The following STOX1 variants were observed in gnomAD, a reference collection of about 807,000 sequenced individuals.
The protein encoded by STOX1 is storkhead box 1, also known as storkhead-box protein 1.
STOX1 carries 57 observed loss-of-function variants against 74.8 expected under a neutral mutation model. The observed-to-expected ratio is 0.76, with a 90% CI of 0.62 to 0.95. STOX1 has a LOEUF of 0.95. Ranked by LOEUF, STOX1 falls within the 40% of genes least tolerant of loss-of-function variation. The pLI, the probability that STOX1 is intolerant of heterozygous loss-of-function variation, is 0.00. For synonymous variants in STOX1, 375 were observed against 401.3 expected (o/e 0.93, Z 0.78); for missense variants, 1,010 against 1,117.0 (o/e 0.90, Z 1.37).
At position 68,892,991 on chromosome 10, in the gene STOX1, G is replaced by T; in HGVS notation, c.*255G>T. On this transcript the variant is annotated 3_prime_UTR_variant, in exon 4 of 4. Coordinates refer to ENST00000298596, the MANE Select transcript of STOX1 (RefSeq NM_152709.5). ...TTTCGATTAAAAAGTGGAATTATTG[G>T]TCCCCTTCCAATTGTAATTATCTTG... 2 of 360,632 alleles carry T rather than the reference G, an allele frequency of 5.5e-6. No homozygotes were observed. The highest frequency in any genetic ancestry group is 5.4e-5 in the East Asian group (1 of 18,682). 22.3% of individuals were successfully genotyped at this position (360,632 alleles called of 1,614,324 possible). A position where few individuals can be genotyped will look rare whatever the true frequency, so the allele number is the denominator to read the frequency against.
intron 1 of STOX1, among the ~76,000 whole-genome samples, chr10:68,876,188 A>T (rs991618998): frequency 1.4e-5 from 2 of 146,898 alleles, no homozygotes; most frequent in South Asian, 4.3e-4. Context: ...ATAGAGTTTT[A>T]CTCTTGTTGC....
chr10:68,872,337 CTTTTCTTTTTTT>C (rs1353317309), intron 1 of STOX1, among the ~76,000 whole-genome samples: 4 of 124,630 alleles, frequency 3.2e-5, no homozygotes, highest in East Asian at 2.5e-4. Flanking sequence ...TTTTCTTTTT[CTTTTCTTTTTTT>C]TTTTTTTTTT....
chr10:68,892,536 G>C, intron 3 of STOX1, 53 bp from the exon 4 acceptor site: 2 of 1,557,234 alleles, frequency 1.3e-6, no homozygotes, highest in Admixed American at 3.3e-5. Context: ...GCCTTGGTTA[G>C]AAATTCAAGT....
rs138485131 is a variant in STOX1, at chr10:68,834,691, G to A, written c.310+6758G>A. On this transcript the variant is annotated intron_variant, in intron 1 of 3. Transcript: ENST00000298596. ...GTCCTTTCCCAGTCAGCTCTGCCTCGATTCTCAGAGATAACCACTATTTGG... is the reference window on the plus strand; with the variant it reads ...GTCCTTTCCCAGTCAGCTCTGCCTCAATTCTCAGAGATAACCACTATTTGG... Among the ~76,000 whole-genome samples the A allele has an allele frequency of 2.4e-3, 364 of 152,240 alleles. 1 individual carries two copies. The highest frequency in any genetic ancestry group is 3.9e-3 in the Non-Finnish European group (264 of 68,022).
intron 1 of STOX1, among the ~76,000 whole-genome samples, chr10:68,833,054 G>A (rs1397557755): frequency 6.7e-6 from 1 of 149,496 alleles, no homozygotes; most frequent in Non-Finnish European, 1.5e-5. Context: ...ACAGGCATGA[G>A]CCACCTTGCC....
chr10:68,830,046 G>A (rs184414719), intron 1 of STOX1, among the ~76,000 whole-genome samples: 1 of 152,172 alleles, frequency 6.6e-6, no homozygotes, highest in Non-Finnish European at 1.5e-5. Flanking sequence ...GGCGAAATAA[G>A]AGAGGGCTTG....
At chr10:68,874,103 A>G in intron 1 of STOX1, among the ~76,000 whole-genome samples, 1 of 144,968 alleles carries the variant, frequency 6.9e-6, no homozygotes, top group Non-Finnish European at 1.5e-5. Context: ...CCTAAAAAGT[A>G]AGTAACTTAT....
chr10:68,893,562 C>T (rs1052489908), downstream of STOX1, among the ~76,000 whole-genome samples: 6 of 152,072 alleles, frequency 3.9e-5, no homozygotes, highest in Non-Finnish European at 7.4e-5. Flanking sequence ...GGATTACAGG[C>T]GCCTGCCACC....
chr10:68,860,736 T>A (rs1050579052), intron 1 of STOX1, among the ~76,000 whole-genome samples: 1 of 152,030 alleles, frequency 6.6e-6, no homozygotes, highest in African/African-American at 2.4e-5. Flanking sequence ...ACCAGTGTTA[T>A]CTGCCACAAG....
chr10:68,829,983 A>G (rs1231678203), intron 1 of STOX1, among the ~76,000 whole-genome samples: 1 of 152,150 alleles, frequency 6.6e-6, no homozygotes, highest in African/African-American at 2.4e-5. Flanking sequence ...GGGTGAGCAC[A>G]GAGTATATTG....
At chr10:68,842,603 C>T (rs905868507) in intron 1 of STOX1, among the ~76,000 whole-genome samples, 14 of 143,306 alleles carry the variant, frequency 9.8e-5, no homozygotes, top group African/African-American at 2.9e-4. Context: ...TCCAGTGGCA[C>T]GATCTCGGTT....
intron 1 of STOX1, among the ~76,000 whole-genome samples, chr10:68,873,410 GCCAC>G (rs1221469001): frequency 6.6e-6 from 1 of 151,678 alleles, no homozygotes; most frequent in African/African-American, 2.4e-5. Context: ...CCAGGCGGCC[GCCAC>G]CACGCCCAGC....
At chr10:68,845,520 T>C (rs1177380) in intron 1 of STOX1, among the ~76,000 whole-genome samples, 148,330 of 151,778 alleles carry the variant, frequency 0.98, 72,558 homozygotes, top group East Asian at 1. Context: ...GTGATCCACC[T>C]GCCTCGGCCT....
intron 1 of STOX1, among the ~76,000 whole-genome samples, chr10:68,836,035 C>T (rs1839542229): frequency 6.6e-6 from 1 of 152,160 alleles, no homozygotes; most frequent in Admixed American, 6.5e-5. Context: ...CCACGCCAGG[C>T]TAATTTTTTG....
chr10:68,830,275 G>A (rs956993014), intron 1 of STOX1, among the ~76,000 whole-genome samples: 1 of 152,110 alleles, frequency 6.6e-6, no homozygotes, highest in African/African-American at 2.4e-5. Flanking sequence ...ACTTCCGCCG[G>A]CTCATCACCC....
chr10:68,832,383 A>G (rs1839433932), intron 1 of STOX1, among the ~76,000 whole-genome samples: 1 of 152,226 alleles, frequency 6.6e-6, no homozygotes, highest in South Asian at 2.1e-4. Flanking sequence ...CTGAATAAAA[A>G]TGCCCCAGGC....
chr10:68,844,105 G>A (rs1046091327), intron 1 of STOX1, among the ~76,000 whole-genome samples: 2 of 151,768 alleles, frequency 1.3e-5, no homozygotes, highest in African/African-American at 2.4e-5. Flanking sequence ...GCATGAGCCC[G>A]GGAGGCGGAG....
chr10:68,884,265 G>T lies in STOX1; in HGVS notation c.469G>T (p.Ala157Ser). 5 of 1,614,022 alleles carry T rather than the reference G, an allele frequency of 3.1e-6. No homozygotes were observed. Among genetic ancestry groups the T allele is most frequent in the Non-Finnish European group, 4.2e-6 (5 of 1,179,956 alleles). ...AAAATGCTTGTCTGTTTTAGGCATT[G>T]CAATTCCATCGGAAGATATTCTTTA... Reference protein sequence around the residue: ...ERLMKHYPGIAIPSEDILYTT... With the variant: ...ERLMKHYPGISIPSEDILYTT... The change falls in exon 3 of 4, where the codon GCA becomes TCA. Residue 157 changes from alanine to serine, a missense_variant. By Grantham distance (99) the Ala-to-Ser change is moderately conservative. Transcript: ENST00000298596.
chr10:68,853,404 TTTACCA>T (rs1195910016), intron 1 of STOX1, among the ~76,000 whole-genome samples: 2 of 152,154 alleles, frequency 1.3e-5, no homozygotes, highest in African/African-American at 4.8e-5. Context: ...ACAAATCTCA[TTTACCA>T]TAAAGGTTTA....
Sources: allele counts gnomAD v4.1 joint callset (sites outside exome capture counted in the v4.1 genomes callset), GRCh38; gene constraint gnomAD v4.1.1; transcripts MANE v1.5; gene names NCBI Gene and HGNC (gene_info 2026-07-23, HGNC 2026-07-21).